Variants in LZTR1 observed in about 807,000 individuals in gnomAD.
LZTR1 encodes leucine-zipper-like transcriptional regulator 1.
A neutral mutation model predicts 105.7 loss-of-function variants in LZTR1; 260 were observed. The observed-to-expected ratio is 2.46, with a 90% CI of 2.22 to 2.72. LZTR1 has a LOEUF of 2.72. Ranked by LOEUF, LZTR1 falls within the 30% of genes most tolerant of loss-of-function variation. The pLI is 0.00. For synonymous variants in LZTR1, 490 were observed against 476.4 expected, an observed-to-expected ratio of 1.03 and a Z score of -0.37; for missense variants, 1,214 against 1,166.9, an observed-to-expected ratio of 1.04 and a Z score of -0.59.
intron 3 of LZTR1, chr22:20,986,236 A>G: frequency 4.5e-6 from 1 of 221,422 alleles, no homozygotes; most frequent in Non-Finnish European, 8.9e-6. Context: ...AGTAGTTACA[A>G]ATTAATTTAA....
intron 11 of LZTR1, 44 bp downstream of exon 11, chr22:20,992,948 C>A (rs1165795139): frequency 5.2e-6 from 7 of 1,347,210 alleles, no homozygotes; most frequent in African/African-American, 2.9e-5. Flanking sequence ...GTGGACGGAT[C>A]CCCCGTGATG....
In LZTR1 at chr22:20,995,018, T is replaced by A; in HGVS notation, c.1934T>A (p.Val645Glu). ...CCTCGCACTCCCTTGGACCAGCCAG[T>A]GGACATTGGTAGGGAGCCCCGTTCC... ...PPPRTPLDQP[V>E]DIGTSLIQDM... is the part of the protein sequence containing the mutation. The change falls in exon 16 of 21, where the codon GTG becomes GAG. Residue 645 changes from valine (V) to glutamate (E), a missense_variant. Transcript: ENST00000646124. 1 of 1,609,030 alleles carries A rather than the reference T, an allele frequency of 6.2e-7. No homozygotes were observed. The highest frequency in any genetic ancestry group is 8.5e-7 in the Non-Finnish European group (1 of 1,177,756).
chr22:20,996,053 C>T lies in LZTR1; in HGVS notation c.2160C>T (p.Phe720=), dbSNP rs79640036. The change falls in exon 18 of 21, where the codon TTC becomes TTT. Residue 720 remains phenylalanine (F), a synonymous_variant. Transcript: ENST00000646124. The part of the protein sequence containing the change: ...IGEMVPSRQA[F]ESMLRYIYYG... ...AGATGGTGCCCAGCAGGCAGGCCTT[C>T]GAGTCCATGCTGCGCTACATCTACT... is the stretch of plus-strand genomic sequence containing the variant. 3.6e-3 allele frequency: 5,830 copies of T among 1,613,434 alleles called. 178 individuals are homozygous for T. The African/African-American group carries it at 0.067, about 19-fold the overall frequency.
At position 20,998,858 on chromosome 22, in the gene LZTR1, G is replaced by A. The variant is rs1016533429; in HGVS notation, c.*1510G>A. The A allele has an allele frequency of 6.6e-6, 1 of 152,266 alleles. No homozygotes were observed. Among genetic ancestry groups the A allele is most frequent in the Non-Finnish European group, 1.5e-5 (1 of 68,104 alleles). 9.4% of individuals were successfully genotyped at this position (152,266 alleles called of 1,614,324 possible). A position where few individuals can be genotyped will look rare whatever the true frequency, so the allele number is the denominator to read the frequency against. On this transcript the variant is annotated 3_prime_UTR_variant, in exon 21 of 21. Transcript: ENST00000646124. ...CCCATCTACCCAGTTTCCACAAGAT[G>A]TGGCTCCTGCCACACCCACAGGGCA...
intron 3 of LZTR1, 35 bp downstream of exon 3, chr22:20,985,932 C>G (rs1167269533): frequency 6.2e-7 from 1 of 1,607,138 alleles, no homozygotes. Context: ...CCTGCCTTTC[C>G]TCCTAGAACA....
intron 2 of LZTR1, among the ~76,000 whole-genome samples, chr22:20,983,311 C>T (rs1924267412): frequency 6.6e-6 from 1 of 152,204 alleles, no homozygotes; most frequent in Non-Finnish European, 1.5e-5. Context: ...CAGTGGGTGG[C>T]ACATGCTCAG....
At chr22:20,989,153 C>T (rs530333947) in intron 6 of LZTR1, among the ~76,000 whole-genome samples, 9 of 152,240 alleles carry the variant, frequency 5.9e-5, no homozygotes, top group South Asian at 2.1e-4. Flanking sequence ...GGCGGGTGGG[C>T]GGTGCCCAGG....
rs551815417 is a variant in LZTR1 at position 20,982,961 on chromosome 22, G to C, written c.201-66G>C. 22 of 1,371,274 alleles carry C rather than the reference G, an allele frequency of 1.6e-5. No individual in the cohort carries two copies. The South Asian group carries it at 2.6e-4, about 16-fold the overall frequency. 84.9% of individuals were successfully genotyped at this position (1,371,274 alleles called of 1,614,324 possible). On this transcript the variant is annotated intron_variant, in intron 1 of 20. Coordinates refer to ENST00000646124, the MANE Select transcript of LZTR1 (RefSeq NM_006767.4). ...ACTTCCGTGGCAGCTCTCCTGCTTA[G>C]TCCCATTCCTTGGGTGCCCCCCAGG... is the stretch of plus-strand genomic sequence containing the variant.
intron 18 of LZTR1, 81 bp from the exon 19 acceptor site, chr22:20,996,615 C>T: frequency 1.7e-6 from 2 of 1,175,036 alleles, no homozygotes; most frequent in Non-Finnish European, 2.5e-6. Context: ...CTTGGGGCTC[C>T]AGCTGCGCCC....
Position 20,994,270 on chromosome 22 carries a change from G to T in LZTR1, c.1615+1G>T. The T allele has an allele frequency of 1.3e-6, 2 of 1,597,408 alleles. No individual in the cohort carries two copies. The highest frequency in any genetic ancestry group is 1.1e-5 in the South Asian group (1 of 90,942). ...GACAAGATCAAATACCCACGGAAAGGTCCGCCTGGGTGGGGGTGGAGCAGG... is the reference window on the plus strand; with the variant it reads ...GACAAGATCAAATACCCACGGAAAGTTCCGCCTGGGTGGGGGTGGAGCAGG... On this transcript the variant is annotated splice_donor_variant, in intron 14 of 20. Transcript: ENST00000646124. LOFTEE classifies it high-confidence loss of function.
Position 20,997,486 on chromosome 22 carries a change from A to G in LZTR1, c.*138A>G. On this transcript the variant is annotated 3_prime_UTR_variant, in exon 21 of 21. Transcript: ENST00000646124. ...AGGGTCAGGGTGCCCAGAGCCTCCA[A>G]AGAGAGCTGAGGGGATGTGGGGCCC... is the stretch of plus-strand genomic sequence containing the variant. The G allele has an allele frequency of 1.5e-6, 1 of 678,796 alleles. No homozygotes were observed. The highest frequency in any genetic ancestry group is 2.6e-6 in the Non-Finnish European group (1 of 388,866). 42.0% of individuals were successfully genotyped at this position (678,796 alleles called of 1,614,324 possible).
In LZTR1 at chr22:20,987,490, T is replaced by TG. The variant is rs745480093; in HGVS notation, c.321-13dup. ...GACCCCCGCTGACTCTCACCACCCC[T>TG]GTGCCCACCCCAGGGCCTTTACCAC... On this transcript the variant is annotated splice_polypyrimidine_tract_variant and intron_variant, in intron 3 of 20. Transcript: ENST00000646124. 1.9e-6 allele frequency: 3 copies of TG among 1,576,392 alleles called. No homozygotes were observed. Among genetic ancestry groups the TG allele is most frequent in the Non-Finnish European group, 2.6e-6 (3 of 1,154,830 alleles).
chr22:20,993,015 C>A, intron 11 of LZTR1, 111 bp downstream of exon 11: 1 of 743,922 alleles, frequency 1.3e-6, no homozygotes, highest in Non-Finnish European at 2.2e-6. Flanking sequence ...CAGGGCCACA[C>A]CTGGCAGGAT....
In LZTR1 at chr22:20,991,817, C is replaced by G. The variant is rs778587887; in HGVS notation, c.981C>G (p.Ser327Arg). The G allele has an allele frequency of 9.7e-6, 15 of 1,549,684 alleles. No homozygotes were observed. The East Asian group carries it at 3.4e-4, about 35-fold the overall frequency. Residue 327 changes from serine (S) to arginine (R), a missense_variant, in exon 9 of 21, where the codon AGC becomes AGG. Physicochemically the swap from Ser to Arg is moderately radical, Grantham distance 110. Coordinates refer to ENST00000646124, the MANE Select transcript of LZTR1 (RefSeq NM_006767.4). ...AGACCTGGGAGGTCGTCCAGCCCAG[C>G]TCCGACAGCGAGGTGAGGGTGCCCA... is the stretch of plus-strand genomic sequence containing the variant. ...DFQTWEVVQPSSDSEVGGAEV... is the reference protein window; with the variant it reads ...DFQTWEVVQPRSDSEVGGAEV...
At position 20,998,799 on chromosome 22, in the gene LZTR1, G is replaced by GGCCAGGTGCGCCAGGTGC. The variant is rs16446; in HGVS notation, c.*1460_*1461insGCCAGGTGCGCCAGGTGC. 2.6e-5 allele frequency: 4 copies of GGCCAGGTGCGCCAGGTGC among 151,760 alleles called. No individual in the cohort carries two copies. The highest frequency in any genetic ancestry group is 2.6e-4 in the Admixed American group (4 of 15,240). The allele number at this position is 151,760 out of a possible 1,614,324, so 9.4% of individuals were successfully genotyped here. ...GCAGGCTGCAGCGCCCAGCCATGTG[G>GGCCAGGTGCGCCAGGTGC]GCCAGGTGCATTCACTCAGAGTGGG... On this transcript the variant is annotated 3_prime_UTR_variant, in exon 21 of 21. Transcript: ENST00000646124.
In LZTR1 at chr22:20,988,090, C is replaced by T. The variant is rs2147962049; in HGVS notation, c.481C>T (p.Gln161Ter). 6.2e-7 allele frequency: 1 copy of T among 1,612,420 alleles called. No individual in the cohort carries two copies. Among genetic ancestry groups the T allele is most frequent in the Non-Finnish European group, 8.5e-7 (1 of 1,178,480 alleles). Residue 161 changes from glutamine to a stop codon, truncating the protein, a stop_gained, in exon 5 of 21, where the codon CAG becomes TAG. Coordinates refer to ENST00000646124, the MANE Select transcript of LZTR1 (RefSeq NM_006767.4). LOFTEE classifies it high-confidence loss of function. ...DLFEYKFATGQWTEWKIEGRL... is the reference protein window; with the variant it reads ...DLFEYKFATG ...CTTTGAATACAAGTTTGCAACTGGC[C>T]AGTGGACGGAGTGGAAAATTGAAGG...
At chr22:20,990,293 GA>G (rs1924554698) in intron 7 of LZTR1, 92 bp from the exon 8 acceptor site, 3 of 1,432,320 alleles carry the variant, frequency 2.1e-6, no homozygotes, top group Non-Finnish European at 2.9e-6. Context: ...GAAGTTTCAA[GA>G]ATAAAAGCAG....
chr22:20,995,538 C>A, intron 16 of LZTR1: 1 of 728,352 alleles, frequency 1.4e-6, no homozygotes, highest in Non-Finnish European at 2.5e-6. Context: ...GGGTGGTGGG[C>A]TGTGCGTGGG....
In LZTR1 at chr22:20,992,864, T is replaced by C. The variant is rs758764652; in HGVS notation, c.1220T>C (p.Val407Ala). ...GCCATGTACATCTTCGGGGGCACGG[T>C]GGACAACAACATCCGCAGCGGGGAG... The part of the protein sequence containing the change: ...SDAMYIFGGT[V>A]DNNIRSGEMY... The change falls in exon 11 of 21, where the codon GTG becomes GCG. Residue 407 changes from valine (V) to alanine (A), a missense_variant. Physicochemically the swap from Val to Ala is moderately conservative, Grantham distance 64 (BLOSUM62 0). Transcript: ENST00000646124. 6.2e-7 allele frequency: 1 copy of C among 1,609,884 alleles called. No homozygotes were observed. The highest frequency in any genetic ancestry group is 8.5e-7 in the Non-Finnish European group (1 of 1,178,260).
Sources: gnomAD v4.1 joint callset for allele counts (sites outside exome capture counted in the v4.1 genomes callset) on GRCh38, gnomAD v4.1.1 for gene constraint, MANE v1.5 for transcripts, NCBI Gene and HGNC (gene_info 2026-07-23, HGNC 2026-07-21) for gene names.